ERAP1: variants seen among roughly 807,000 people sequenced by gnomAD.
ERAP1 encodes the protein adipocyte-derived leucine aminopeptidase.
A neutral mutation model predicts 103.7 loss-of-function variants in ERAP1; 86 were observed. The observed-to-expected ratio is 0.83, with a 90% CI of 0.70 to 0.99. The LOEUF (loss-of-function observed/expected upper bound fraction) is 0.99. Ranked by LOEUF, ERAP1 falls within the 50% of genes least tolerant of loss-of-function variation. The pLI, the probability that ERAP1 is intolerant of heterozygous loss-of-function variation, is 0.00. For missense variants in ERAP1, 1,009 were observed against 1,128.4 expected (o/e 0.89, Z 1.52); for synonymous variants, 398 against 402.4 (o/e 0.99, Z 0.13).
the ERAP1 span, among the ~76,000 whole-genome samples, chr5:96,908,225 G>A: frequency 2.6e-5 from 4 of 152,142 alleles, no homozygotes; most frequent in Non-Finnish European, 4.4e-5. Context: ...TCACAAGAAT[G>A]GCTTATAGAC....
At chr5:96,840,282 C>A in the ERAP1 span, among the ~76,000 whole-genome samples, 2 of 152,190 alleles carry the variant, frequency 1.3e-5, no homozygotes, top group African/African-American at 2.4e-5. Flanking sequence ...TTAACTACAG[C>A]CTTCTCTTTA....
chr5:96,900,757 A>C, the ERAP1 span, among the ~76,000 whole-genome samples: 888 of 151,804 alleles, frequency 5.8e-3, 6 homozygotes, highest in African/African-American at 0.02. Flanking sequence ...GCTCACTGCA[A>C]CCTCCACCTC....
chr5:96,895,293 T>C, the ERAP1 span: 1 of 1,613,048 alleles, frequency 6.2e-7, no homozygotes, highest in Non-Finnish European at 8.5e-7. Context: ...ATATTTGGCT[T>C]AAGGAGGGTT....
upstream of ERAP1, among the ~76,000 whole-genome samples, chr5:96,810,355 C>G (rs1268458814): frequency 6.6e-6 from 1 of 152,128 alleles, no homozygotes; most frequent in Non-Finnish European, 1.5e-5. Context: ...GAAAGGGTAC[C>G]TAGGTTTATT....
upstream of ERAP1, among the ~76,000 whole-genome samples, chr5:96,808,459 G>A (rs771532424): frequency 2.0e-5 from 3 of 151,886 alleles, no homozygotes; most frequent in East Asian, 1.9e-4. Context: ...AGTGGGCTGA[G>A]AGCTCTTGGC....
the ERAP1 span, among the ~76,000 whole-genome samples, chr5:96,847,247 CAAAAAAAA>C: frequency 1.2e-5 from 1 of 85,054 alleles, no homozygotes; most frequent in Non-Finnish European, 2.3e-5. Context: ...GACTCCATCT[CAAAAAAAA>C]AAAAAAAAAA....
chr5:96,855,556 A>AT, the ERAP1 span, among the ~76,000 whole-genome samples: 1 of 152,208 alleles, frequency 6.6e-6, no homozygotes, highest in Admixed American at 6.5e-5. Flanking sequence ...GAACTCTGTG[A>AT]TTTTACAGTG....
At chr5:96,909,682 G>T in the ERAP1 span, 1 of 1,614,194 alleles carries the variant, frequency 6.2e-7, no homozygotes. Flanking sequence ...CTTGAAGCTG[G>T]CCTGTGACCT....
intron 1 of ERAP1, among the ~76,000 whole-genome samples, chr5:96,807,399 C>A (rs1200288766): frequency 6.6e-6 from 1 of 152,220 alleles, no homozygotes; most frequent in Non-Finnish European, 1.5e-5. Flanking sequence ...CCTCCTCAGC[C>A]CGAGCCAGCT....
At chr5:96,777,456 GA>G (rs1774499334) in intron 18 of ERAP1, among the ~76,000 whole-genome samples, 1 of 152,200 alleles carries the variant, frequency 6.6e-6, no homozygotes, top group African/African-American at 2.4e-5. Context: ...TGGGAATAAA[GA>G]GGGGAGTAGG....
the ERAP1 span, among the ~76,000 whole-genome samples, chr5:96,859,045 G>T: frequency 7.3e-6 from 1 of 136,948 alleles, no homozygotes; most frequent in East Asian, 2.2e-4. Flanking sequence ...TTAGACCAAG[G>T]CCCTGCCACA....
the ERAP1 span, among the ~76,000 whole-genome samples, chr5:96,863,018 T>C: frequency 6.6e-6 from 1 of 152,244 alleles, no homozygotes; most frequent in Non-Finnish European, 1.5e-5. Flanking sequence ...TGTTAACTTA[T>C]GCTTCTTGGA....
At chr5:96,873,640 T>A in the ERAP1 span, 1 of 352,842 alleles carries the variant, frequency 2.8e-6, no homozygotes, top group Admixed American at 3.7e-5. Flanking sequence ...AGCACCCTGA[T>A]GTGCTTGAAG....
chr5:96,912,899 G>A, the ERAP1 span: 30 of 900,410 alleles, frequency 3.3e-5, no homozygotes, highest in Non-Finnish European at 4.7e-5. Flanking sequence ...TAAGATAATT[G>A]AATCAGAATG....
At chr5:96,793,701 T>TA (rs558649014) in intron 6 of ERAP1, 102 bp downstream of exon 6, 8 of 1,265,124 alleles carry the variant, frequency 6.3e-6, no homozygotes, top group African/African-American at 1.5e-5. Flanking sequence ...TTTTTCCTAT[T>TA]AAAAAAAGAC....
In ERAP1 at chr5:96,804,646, T is replaced by A. The variant is rs1778360838; in HGVS notation, c.-17-703A>T. Among the ~76,000 whole-genome samples the A allele has an allele frequency of 2.6e-5, 4 of 152,236 alleles. No homozygotes were observed. The South Asian group carries it at 8.3e-4, about 32-fold the overall frequency. On this transcript the variant is annotated intron_variant, in intron 1 of 18. Coordinates refer to ENST00000443439, the MANE Select transcript of ERAP1 (RefSeq NM_001040458.3). ...ATCACCTGGATTGATTTTAAAGACA[T>A]AAAAGCAATGTGAATTTCAGGCCAG...
In ERAP1 at chr5:96,780,420, T is replaced by TA. The variant is rs1554109518; in HGVS notation, c.2670+2dup. ...AATATATATATAGATTTTTTTTTTT[T>TA]ACCTCTTCAAGCCGTGTTCTTGTGG... On this transcript the variant is annotated splice_region_variant and intron_variant, in intron 18 of 18. Transcript: ENST00000443439. 2.5e-5 allele frequency: 40 copies of TA among 1,580,022 alleles called. No individual in the cohort carries two copies. The African/African-American group carries it at 2.7e-4, about 11-fold the overall frequency.
upstream of ERAP1, chr5:96,808,262 T>TGTGTGTG (rs1189381131): frequency 5.7e-6 from 4 of 700,866 alleles, no homozygotes; most frequent in Admixed American, 1.1e-4. Flanking sequence ...GTGTGTGTGT[T>TGTGTGTG]GAGATGCTTT....
At chr5:96,789,762 G>A (rs30185) in intron 10 of ERAP1, among the ~76,000 whole-genome samples, 108,988 of 152,144 alleles carry the variant, frequency 0.72, 39,595 homozygotes, top group Non-Finnish European at 0.79. Context: ...TCTAAATTCA[G>A]ATCTCTGCTC....
Sources: gnomAD v4.1 joint callset for allele counts (sites outside exome capture counted in the v4.1 genomes callset) on GRCh38, gnomAD v4.1.1 for gene constraint, MANE v1.5 for transcripts, NCBI Gene and HGNC (gene_info 2026-07-23, HGNC 2026-07-21) for gene names.